The following ASMTL variants were observed in gnomAD, a reference collection of about 807,000 sequenced individuals.
The protein encoded by ASMTL is acetylserotonin O-methyltransferase like.
A neutral mutation model predicts 60.3 loss-of-function variants in ASMTL; 57 were observed. The observed-to-expected ratio is 0.95, with a 90% confidence interval of 0.76 to 1.18. The LOEUF is 1.18. ASMTL is among the 50% of genes most tolerant of loss of function. The pLI, the probability that ASMTL is intolerant of heterozygous loss-of-function variation, is 0.00. For missense variants in ASMTL, 981 were observed against 852.6 expected, an observed-to-expected ratio of 1.15 and a Z score of -1.88; for synonymous variants, 419 against 373.0, an observed-to-expected ratio of 1.12 and a Z score of -1.42.
In ASMTL at chrX:1,403,180, T is replaced by C; in HGVS notation, c.*89A>G. 2 of 1,060,202 alleles carry C rather than the reference T, an allele frequency of 1.9e-6. No homozygotes were observed. The highest frequency in any genetic ancestry group is 2.9e-6 in the Non-Finnish European group (2 of 690,840). The allele number at this position is 1,060,202 out of a possible 1,614,324, so 65.7% of individuals were successfully genotyped here. On this transcript the variant is annotated 3_prime_UTR_variant, in exon 13 of 13. Transcript: ENST00000381317. Reference sequence around the variant, plus strand: ...TTATTCAGTCACGACTACACGCTCCTATGTGACTGTCCTATGGTACTTGGG... The same window carrying C: ...TTATTCAGTCACGACTACACGCTCCCATGTGACTGTCCTATGGTACTTGGG...
chrX:1,421,264 CCTAA>C (rs751635059), intron 9 of ASMTL, among the ~76,000 whole-genome samples: 10 of 152,100 alleles, frequency 6.6e-5, no homozygotes, highest in African/African-American at 2.2e-4. Context: ...CCATGCCCAG[CCTAA>C]CTGTTAATTT....
Position 1,452,908 on chromosome X carries a change from T to C in ASMTL, c.-68A>G, listed in dbSNP as rs753461753. 2 of 1,293,088 alleles carry C rather than the reference T, an allele frequency of 1.5e-6. No homozygotes were observed. The highest frequency in any genetic ancestry group is 1.4e-5 in the South Asian group (1 of 69,418). The allele number at this position is 1,293,088 out of a possible 1,614,324, so 80.1% of individuals were successfully genotyped here. On this transcript the variant is annotated 5_prime_UTR_variant, in exon 1 of 13. Transcript: ENST00000381317. ...GAGCCCGCGGTGCGCGCAGCGCGGCTGCAAAAAAAACAGGCGGCCAGAGTC... is the reference window on the plus strand; with the variant it reads ...GAGCCCGCGGTGCGCGCAGCGCGGCCGCAAAAAAAACAGGCGGCCAGAGTC...
intron 1 of ASMTL, among the ~76,000 whole-genome samples, chrX:1,447,309 T>G (rs1404995609): frequency 1.3e-5 from 2 of 152,342 alleles, no homozygotes; most frequent in East Asian, 3.9e-4. Context: ...TACACCATCT[T>G]GGACACACAC....
In ASMTL at chrX:1,445,872, G is replaced by A. The variant is rs777070114; in HGVS notation, c.94-3555C>T. Among the ~76,000 whole-genome samples the A allele has an allele frequency of 3.3e-5, 5 of 152,164 alleles. No individual in the cohort carries two copies. In the East Asian group the frequency reaches 5.8e-4, roughly 18 times the overall value. On this transcript the variant is annotated intron_variant, in intron 1 of 12. Coordinates refer to ENST00000381317, the MANE Select transcript of ASMTL (RefSeq NM_004192.4). ...ACATGGTGAGGTGCGACCAGAAGACGAGCGCGAGCCTTCTGTTATGCCCAG... is the reference window on the plus strand; with the variant it reads ...ACATGGTGAGGTGCGACCAGAAGACAAGCGCGAGCCTTCTGTTATGCCCAG...
rs776592493 is a variant in ASMTL at position 1,440,652 on chromosome X, G to A, written c.226-1508C>T. Among the ~76,000 whole-genome samples, 177 of 152,182 alleles carry A rather than the reference G, an allele frequency of 1.2e-3. 1 individual carries two copies. Among genetic ancestry groups the A allele is most frequent in the African/African-American group, 4.1e-3 (169 of 41,530 alleles). ...TGTATTAATTATAATAGTGTATTAC[G>A]GTGGGGTGCGGTGGCTCACGCCTGT... is the stretch of plus-strand genomic sequence containing the variant. On this transcript the variant is annotated intron_variant, in intron 2 of 12. Coordinates refer to ENST00000381317, the MANE Select transcript of ASMTL (RefSeq NM_004192.4).
chrX:1,430,401 G>A (rs2090738187), intron 6 of ASMTL, among the ~76,000 whole-genome samples: 1 of 151,970 alleles, frequency 6.6e-6, no homozygotes, highest in Admixed American at 6.6e-5. Context: ...CTTCTGCCGG[G>A]CTTATTTCAA....
intron 5 of ASMTL, among the ~76,000 whole-genome samples, chrX:1,434,003 G>C (rs191465913): frequency 6.6e-6 from 1 of 152,294 alleles, no homozygotes; most frequent in Non-Finnish European, 1.5e-5. Flanking sequence ...AGGGATATGG[G>C]GCTGGGATTG....
At chrX:1,416,280 C>G (rs751302150) in intron 11 of ASMTL, among the ~76,000 whole-genome samples, 1 of 149,348 alleles carries the variant, frequency 6.7e-6, no homozygotes, top group African/African-American at 2.5e-5. Context: ...GATACACCAA[C>G]AGACAGGCAC....
chrX:1,446,494 C>G (rs186635637), intron 1 of ASMTL, among the ~76,000 whole-genome samples: 3,656 of 133,706 alleles, frequency 0.027, 168 homozygotes, highest in African/African-American at 0.097. Context: ...CCCTACATCT[C>G]ATGACATTTT....
chrX:1,434,923 G>T, intron 5 of ASMTL, 99 bp downstream of exon 5: 1 of 1,321,066 alleles, frequency 7.6e-7, no homozygotes. Context: ...ACAGGTGGGG[G>T]TGAGCAACCG....
intron 1 of ASMTL, among the ~76,000 whole-genome samples, chrX:1,447,384 G>C (rs1480625909): frequency 7.9e-5 from 12 of 151,624 alleles, no homozygotes; most frequent in Non-Finnish European, 1.5e-4. Context: ...GGCCATCTTG[G>C]AGAAGCACCA....
At position 1,403,162 on chromosome X, in the gene ASMTL, G is replaced by A; in HGVS notation, c.*107C>T. The A allele has an allele frequency of 2.2e-6, 2 of 903,854 alleles. No individual in the cohort carries two copies. The highest frequency in any genetic ancestry group is 2.9e-5 in the South Asian group (2 of 69,330). The allele number at this position is 903,854 out of a possible 1,614,324, so 56.0% of individuals were successfully genotyped here. A position where few individuals can be genotyped will look rare whatever the true frequency, so the allele number is the denominator to read the frequency against. ...GACAGGCTTTTGCTTTCTTTATTCA[G>A]TCACGACTACACGCTCCTATGTGAC... On this transcript the variant is annotated 3_prime_UTR_variant, in exon 13 of 13. Transcript: ENST00000381317.
intron 1 of ASMTL, among the ~76,000 whole-genome samples, chrX:1,448,747 C>G (rs56266768): frequency 0.035 from 5,308 of 151,924 alleles, 117 homozygotes; most frequent in Admixed American, 0.057. Flanking sequence ...ACACACACCA[C>G]CATCTTGGAT....
intron 1 of ASMTL, among the ~76,000 whole-genome samples, chrX:1,451,910 C>T (rs1233067833): frequency 2.0e-5 from 3 of 147,748 alleles, no homozygotes; most frequent in African/African-American, 7.5e-5. Flanking sequence ...ACTCCTCCCT[C>T]CCCATCCCTA....
At chrX:1,411,080 A>G (rs1418033927) in intron 12 of ASMTL, among the ~76,000 whole-genome samples, 4 of 152,070 alleles carry the variant, frequency 2.6e-5, no homozygotes, top group Non-Finnish European at 5.9e-5. Context: ...GCTACTCGGG[A>G]GGCTGAGGCA....
chrX:1,435,340 G>T (rs777152299), intron 4 of ASMTL: 102 of 611,956 alleles, frequency 1.7e-4, no homozygotes, highest in Middle Eastern at 4.4e-4. Context: ...GGCCTATGGC[G>T]GGCAGGGGGT....
chrX:1,406,959 A>T (rs867795664), intron 12 of ASMTL, among the ~76,000 whole-genome samples: 1 of 145,434 alleles, frequency 6.9e-6, no homozygotes, highest in African/African-American at 2.6e-5. Context: ...GTGAATAGAT[A>T]GTAGATGATG....
intron 12 of ASMTL, among the ~76,000 whole-genome samples, chrX:1,404,435 T>C (rs752686071): frequency 6.8e-6 from 1 of 146,214 alleles, no homozygotes; most frequent in East Asian, 2.1e-4. Flanking sequence ...ATGGATGAGA[T>C]GGATGGATGG....
intron 12 of ASMTL, among the ~76,000 whole-genome samples, chrX:1,404,839 G>A (rs1196878590): frequency 6.6e-6 from 1 of 151,970 alleles, no homozygotes; most frequent in Non-Finnish European, 1.5e-5. Flanking sequence ...GTAGCTGATG[G>A]ATAGGTAGGA....
Sources: gnomAD v4.1 joint callset for allele counts (sites outside exome capture counted in the v4.1 genomes callset) on GRCh38, gnomAD v4.1.1 for gene constraint, MANE v1.5 for transcripts, NCBI Gene and HGNC (gene_info 2026-07-23, HGNC 2026-07-21) for gene names.